Variants in INPP4B observed in about 807,000 individuals in gnomAD.
INPP4B encodes the protein inositol polyphosphate-4-phosphatase type II B, also known as inositol polyphosphate 4-phosphatase type II.
INPP4B carries 55 observed loss-of-function variants against 122.5 expected under a neutral mutation model. That is an observed-to-expected ratio of 0.45 (90% CI 0.36 to 0.56). The LOEUF (loss-of-function observed/expected upper bound fraction) is 0.56. Among genes scored for constraint, INPP4B ranks in the 20% least tolerant of loss-of-function variants. INPP4B has a pLI of 0.00. For missense variants in INPP4B, 1,000 were observed against 1,097.7 expected (o/e 0.91, Z 1.26); for synonymous variants, 403 against 388.7 (o/e 1.04, Z -0.43).
intron 12 of INPP4B, among the ~76,000 whole-genome samples, chr4:142,210,342 T>A (rs999903374): frequency 2.0e-5 from 3 of 152,216 alleles, no homozygotes; most frequent in Non-Finnish European, 4.4e-5. Context: ...TCATCTGAGG[T>A]CTTTATAATT....
At chr4:142,675,277 C>T (rs1386268288) in intron 2 of INPP4B, among the ~76,000 whole-genome samples, 4 of 152,146 alleles carry the variant, frequency 2.6e-5, no homozygotes, top group Admixed American at 1.3e-4. Flanking sequence ...TGGACACAGA[C>T]ACCTTCCCAA....
At chr4:142,427,841 C>T (rs1046878368) in intron 5 of INPP4B, among the ~76,000 whole-genome samples, 33 of 152,022 alleles carry the variant, frequency 2.2e-4, no homozygotes, top group African/African-American at 6.0e-4. Flanking sequence ...TCAAGTTGTA[C>T]GAGTGAAGAG....
chr4:142,204,595 C>A (rs1841933391), intron 14 of INPP4B, among the ~76,000 whole-genome samples: 3 of 151,914 alleles, frequency 2.0e-5, no homozygotes, highest in African/African-American at 4.8e-5. Flanking sequence ...GAAATAAGTT[C>A]TTTACAGATA....
At chr4:142,294,829 C>CAAA (rs57430432) in intron 9 of INPP4B, among the ~76,000 whole-genome samples, 1,346 of 28,474 alleles carry the variant, frequency 0.047, 378 homozygotes, top group Non-Finnish European at 0.063. Flanking sequence ...GACTCCGTCT[C>CAAA]AAAAAAAAAA....
chr4:142,801,206 G>A (rs567584967), intron 1 of INPP4B, among the ~76,000 whole-genome samples: 1 of 152,308 alleles, frequency 6.6e-6, no homozygotes, highest in African/African-American at 2.4e-5. Flanking sequence ...ATCTAAGCAG[G>A]AGATGATAAT....
At chr4:142,468,961 C>CT (rs2149662440) in intron 2 of INPP4B, among the ~76,000 whole-genome samples, 1 of 152,210 alleles carries the variant, frequency 6.6e-6, no homozygotes, top group African/African-American at 2.4e-5. Context: ...CATATAGCTA[C>CT]TAGAATCTAG....
chr4:142,071,430 G>A (rs1442758420), intron 25 of INPP4B, among the ~76,000 whole-genome samples: 1 of 152,100 alleles, frequency 6.6e-6, no homozygotes, highest in Non-Finnish European at 1.5e-5. Flanking sequence ...GCATGGGCAA[G>A]GACTTCATGT....
intron 2 of INPP4B, among the ~76,000 whole-genome samples, chr4:142,647,819 C>T (rs1197192332): frequency 6.6e-6 from 1 of 152,206 alleles, no homozygotes; most frequent in Admixed American, 6.5e-5. Context: ...AGTAAGACTG[C>T]AGATATAAAG....
chr4:142,607,487 G>A (rs577306802), intron 2 of INPP4B, among the ~76,000 whole-genome samples: 1 of 152,120 alleles, frequency 6.6e-6, no homozygotes, highest in South Asian at 2.1e-4. Context: ...CTGACATAAA[G>A]CTTGATACCA....
At chr4:142,614,684 A>T (rs1743310963) in intron 2 of INPP4B, among the ~76,000 whole-genome samples, 1 of 152,182 alleles carries the variant, frequency 6.6e-6, no homozygotes, top group African/African-American at 2.4e-5. Context: ...AGGAACTCAA[A>T]CAGCTCAACA....
At chr4:142,524,240 C>A (rs1826517409) in intron 2 of INPP4B, among the ~76,000 whole-genome samples, 1 of 152,166 alleles carries the variant, frequency 6.6e-6, no homozygotes, top group Admixed American at 6.5e-5. Flanking sequence ...GCACCGACTT[C>A]CACAATGGTT....
Position 142,096,621 on chromosome 4 carries a change from ATAG to A in INPP4B, c.2375-10368_2375-10366del, listed in dbSNP as rs565887949. 1.7e-3 allele frequency among the ~76,000 whole-genome samples: 256 copies of A among 152,262 alleles called. 1 individual carries two copies. The highest frequency in any genetic ancestry group is 5.8e-3 in the African/African-American group (239 of 41,560). ...AAAAGAAACAGAAGTGCTTCTAAAG[ATAG>A]TAGTTAAAAAATTCTCTCAATCTTT... On this transcript the variant is annotated intron_variant, in intron 23 of 25. Transcript: ENST00000262992.
At chr4:142,205,665 A>T (rs181120485) in intron 14 of INPP4B, among the ~76,000 whole-genome samples, 47 of 152,288 alleles carry the variant, frequency 3.1e-4, no homozygotes, top group South Asian at 1.0e-3. Flanking sequence ...TAGAAAGATT[A>T]AATAGCAGAC....
intron 2 of INPP4B, among the ~76,000 whole-genome samples, chr4:142,486,617 A>G (rs1821228321): frequency 6.6e-6 from 1 of 152,236 alleles, no homozygotes. Flanking sequence ...TTATATATAG[A>G]AACTCTAATT....
chr4:142,335,333 T>A (rs933534981), intron 7 of INPP4B, among the ~76,000 whole-genome samples: 3 of 152,172 alleles, frequency 2.0e-5, no homozygotes, highest in Non-Finnish European at 4.4e-5. Flanking sequence ...ATGCTTTTCT[T>A]CTCTAACGTC....
At chr4:142,564,439 C>CAAAAAAAAAAAAAAAAA (rs199803105) in intron 2 of INPP4B, among the ~76,000 whole-genome samples, 4 of 97,892 alleles carry the variant, frequency 4.1e-5, no homozygotes, top group East Asian at 6.2e-4. Flanking sequence ...TAAGGAATGG[C>CAAAAAAAAAAAAAAAAA]AAAAAAAAAA....
At chr4:142,586,395 A>C (rs1164241175) in intron 2 of INPP4B, among the ~76,000 whole-genome samples, 2 of 152,194 alleles carry the variant, frequency 1.3e-5, no homozygotes, top group Non-Finnish European at 2.9e-5. Context: ...TGTACAACCC[A>C]GAGGCAAGAG....
intron 1 of INPP4B, among the ~76,000 whole-genome samples, chr4:142,726,807 T>C (rs575637692): frequency 1.3e-5 from 2 of 152,290 alleles, no homozygotes; most frequent in Non-Finnish European, 2.9e-5. Flanking sequence ...TTTGGACAAA[T>C]AAATTTTGTA....
chr4:142,625,650 A>G (rs1203673574), intron 2 of INPP4B, among the ~76,000 whole-genome samples: 2 of 152,068 alleles, frequency 1.3e-5, no homozygotes, highest in Non-Finnish European at 2.9e-5. Flanking sequence ...TTCATATGGA[A>G]CCAAAAAAGA....
Sources: gnomAD v4.1 joint callset for allele counts (sites outside exome capture counted in the v4.1 genomes callset) on GRCh38, gnomAD v4.1.1 for gene constraint, MANE v1.5 for transcripts, NCBI Gene and HGNC (gene_info 2026-07-23, HGNC 2026-07-21) for gene names.